NUDT5: variants seen among roughly 807,000 people sequenced by gnomAD.
The protein encoded by NUDT5 is ADP-sugar pyrophosphatase.
NUDT5 carries 21 observed loss-of-function variants against 34.1 expected under a neutral mutation model. The observed-to-expected ratio is 0.62, with a 90% confidence interval of 0.44 to 0.89. The LOEUF is 0.89. NUDT5 is among the 40% of genes least tolerant of loss of function. The pLI is 0.00. For missense variants in NUDT5, 249 were observed against 274.8 expected, an observed-to-expected ratio of 0.91 and a Z score of 0.66; for synonymous variants, 85 against 97.6, an observed-to-expected ratio of 0.87 and a Z score of 0.76.
rs760833402 is a variant in NUDT5, at chr10:12,182,483, CATAA to C, written c.131+2402_131+2405del. 9.9e-5 allele frequency among the ~76,000 whole-genome samples: 15 copies of C among 152,108 alleles called. No individual in the cohort carries two copies. Among genetic ancestry groups the C allele is most frequent in the Admixed American group, 2.6e-4 (4 of 15,262 alleles). On this transcript the variant is annotated intron_variant, in intron 3 of 9. Coordinates refer to ENST00000491614, the MANE Select transcript of NUDT5 (RefSeq NM_014142.4). This position sits in a 1 kb window ranked among gnomAD's most constrained non-coding sequence, Gnocchi z 4.3. ...TCTGGTATAAAATATTAGTGCTTTACATAAATCCTCTTCAGAGGCCAGGAAAAAA... is the reference window on the plus strand; with the variant it reads ...TCTGGTATAAAATATTAGTGCTTTACATCCTCTTCAGAGGCCAGGAAAAAA...
intron 5 of NUDT5, among the ~76,000 whole-genome samples, chr10:12,174,020 C>T (rs1260815895): frequency 6.6e-6 from 1 of 152,110 alleles, no homozygotes. Context: ...GCGCGTGCCA[C>T]CACGCCCAGC....
chr10:12,167,742 G>C lies in NUDT5; in HGVS notation c.620C>G (p.Ala207Gly), dbSNP rs753393749. Residue 207 changes from alanine to glycine, a missense_variant, in exon 10 of 10, where the codon GCA (alanine) becomes GGA (glycine). Coordinates refer to ENST00000491614, the MANE Select transcript of NUDT5 (RefSeq NM_014142.4). ...GGGCACTTCAAATGGCTTTGCATTT[G>C]CATGTTTCAGTGCTAGAGCGTAGGA... ...VYSYALALKH[A>G]NAKPFEVPFL... 6.2e-7 allele frequency: 1 copy of C among 1,614,130 alleles called. No homozygotes were observed.
chr10:12,178,985 C>T, intron 4 of NUDT5, 98 bp downstream of exon 4: 1 of 993,138 alleles, frequency 1.0e-6, no homozygotes, highest in Non-Finnish European at 1.6e-6. Context: ...AAAGACACAA[C>T]ATCCTAATAG....
At chr10:12,179,782 A>G (rs937155029) in intron 3 of NUDT5, among the ~76,000 whole-genome samples, 2 of 152,138 alleles carry the variant, frequency 1.3e-5, no homozygotes, top group African/African-American at 4.8e-5. Flanking sequence ...CTGTTACCCA[A>G]CTCAGCTTTT....
At chr10:12,172,963 G>A (rs1263268837) in intron 6 of NUDT5, 97 bp from the exon 7 acceptor site, 7 of 867,016 alleles carry the variant, frequency 8.1e-6, no homozygotes, top group South Asian at 1.5e-5. Context: ...CAGCATTGAC[G>A]TGGAGGTGAT....
In NUDT5 at chr10:12,170,170, G is replaced by T. The variant is rs369611107; in HGVS notation, c.550+547C>A. ...TTTACAAAGTCTCTAAAAGATGGGT[G>T]GCCAAGAATTATACAATGCATCTAC... On this transcript the variant is annotated intron_variant, in intron 9 of 9. Transcript: ENST00000491614. The surrounding 1 kb of genome is among the most constrained non-coding windows in gnomAD (Gnocchi z 4.9). 1.2e-6 allele frequency: 2 copies of T among 1,612,510 alleles called. No homozygotes were observed. Among genetic ancestry groups the T allele is most frequent in the Admixed American group, 1.7e-5 (1 of 59,996 alleles).
chr10:12,195,797 G>A lies in NUDT5; in HGVS notation c.-69C>T, dbSNP rs1006370416. 4 of 218,420 alleles carry A rather than the reference G, an allele frequency of 1.8e-5. No individual in the cohort carries two copies. The highest frequency in any genetic ancestry group is 4.7e-5 in the African/African-American group (2 of 42,626). 13.5% of individuals were successfully genotyped at this position (218,420 alleles called of 1,614,324 possible). On this transcript the variant is annotated 5_prime_UTR_variant, in exon 1 of 10. Transcript: ENST00000491614. ...CAAGGTGTAGGGGTGAAGAACGGAA[G>A]AGGACGAAATAACTAGCTGGAGGCA...
chr10:12,172,280 C>G (rs1466668336), intron 7 of NUDT5, among the ~76,000 whole-genome samples: 2 of 151,432 alleles, frequency 1.3e-5, no homozygotes. Flanking sequence ...TTACTTAGGC[C>G]ATTTTTTTTT....
Position 12,171,687 on chromosome 10 carries a change from T to TTTTATTTA in NUDT5, c.488-787_488-780dup, listed in dbSNP as rs200279977. Among the ~76,000 whole-genome samples, 588 of 140,034 alleles carry TTTTATTTA rather than the reference T, an allele frequency of 4.2e-3. 5 individuals are homozygous for TTTTATTTA. The highest frequency in any genetic ancestry group is 0.011 in the South Asian group (47 of 4,316). 91.9% of individuals were successfully genotyped at this position (140,034 alleles called of 152,430 possible). On this transcript the variant is annotated intron_variant, in intron 7 of 9. Transcript: ENST00000491614. This position sits in a 1 kb window ranked among gnomAD's most constrained non-coding sequence, Gnocchi z 4.2. Reference sequence around the variant, plus strand: ...TGTGCAGTTCAAAAATTAAGATTTATTTTATTTATTTATTTATTTATTTAT... The same window carrying TTTTATTTA: ...TGTGCAGTTCAAAAATTAAGATTTATTTTATTTATTTATTTATTTATTTATTTATTTAT...
chr10:12,184,388 C>A, intron 3 of NUDT5: 1 of 884,856 alleles, frequency 1.1e-6, no homozygotes. Context: ...ACTGGGATTA[C>A]TCGGTCAAAG....
At position 12,182,146 on chromosome 10, in the gene NUDT5, AAAG is replaced by A. The variant is rs1177125359; in HGVS notation, c.131+2740_131+2742del. Reference sequence around the variant, plus strand: ...TCTGTCTCAGGGTAAAAAAAAAAAAAAAGAAGGATATAGCTGAGCTGAAGGGGA... The same window carrying A: ...TCTGTCTCAGGGTAAAAAAAAAAAAAAAGGATATAGCTGAGCTGAAGGGGA... On this transcript the variant is annotated intron_variant, in intron 3 of 9. Coordinates refer to ENST00000491614, the MANE Select transcript of NUDT5 (RefSeq NM_014142.4). This position sits in a 1 kb window ranked among gnomAD's most constrained non-coding sequence, Gnocchi z 4.3. Among the ~76,000 whole-genome samples, 1 of 151,916 alleles carries A rather than the reference AAAG, an allele frequency of 6.6e-6. No individual in the cohort carries two copies. The highest frequency in any genetic ancestry group is 2.1e-4 in the South Asian group (1 of 4,820).
intron 5 of NUDT5, among the ~76,000 whole-genome samples, chr10:12,176,018 A>T (rs1400180852): frequency 2.0e-5 from 3 of 151,732 alleles, no homozygotes; most frequent in Non-Finnish European, 4.4e-5. Context: ...ACCAACATGG[A>T]GAAACCCCGT....
rs906621369 is a variant in NUDT5, at chr10:12,182,549, A to C, written c.131+2340T>G. ...GGAAGAATGGACATGACCATGCTAT[A>C]AATATGGTAGTTTGGTGGATTTTAG... On this transcript the variant is annotated intron_variant, in intron 3 of 9. Coordinates refer to ENST00000491614, the MANE Select transcript of NUDT5 (RefSeq NM_014142.4). The surrounding 1 kb of genome is among the most constrained non-coding windows in gnomAD (Gnocchi z 4.3). Among the ~76,000 whole-genome samples the C allele has an allele frequency of 3.3e-5, 5 of 152,260 alleles. No homozygotes were observed. In the South Asian group the frequency reaches 1.0e-3, roughly 32 times the overall value.
Position 12,170,867 on chromosome 10 carries a change from A to G in NUDT5, c.496+33T>C. The G allele has an allele frequency of 1.9e-6, 3 of 1,613,948 alleles. No individual in the cohort carries two copies. Among genetic ancestry groups the G allele is most frequent in the Non-Finnish European group, 2.5e-6 (3 of 1,179,846 alleles). On this transcript the variant is annotated intron_variant, in intron 8 of 9. Coordinates refer to ENST00000491614, the MANE Select transcript of NUDT5 (RefSeq NM_014142.4). The surrounding 1 kb of genome is among the most constrained non-coding windows in gnomAD (Gnocchi z 4.9). ...AGCCATCACCACTACACTAAGTCAT[A>G]CACGCTCGGCCACCAGGAGTTGCAG...
At chr10:12,177,944 C>A (rs1395158679) in intron 4 of NUDT5, 44 bp from the exon 5 acceptor site, 10 of 1,390,514 alleles carry the variant, frequency 7.2e-6, no homozygotes, top group Non-Finnish European at 9.2e-6. Flanking sequence ...AATGAGAGGT[C>A]AGCAATGCCA....
chr10:12,180,778 CA>C (rs1835029926), intron 3 of NUDT5, among the ~76,000 whole-genome samples: 2 of 152,178 alleles, frequency 1.3e-5, no homozygotes, highest in South Asian at 4.1e-4. Context: ...ATGTTTTCTC[CA>C]AAACCTCTTC....
rs765640395 is a variant in NUDT5, at chr10:12,170,696, G to A, written c.550+21C>T. 4 of 1,611,718 alleles carry A rather than the reference G, an allele frequency of 2.5e-6. No homozygotes were observed. The East Asian group carries it at 8.9e-5, about 36-fold the overall frequency. ...ACGGGGAGAACTGGAGAAACTGGGT[G>A]GCGGTCTGGAGAATGCTTACCATCA... On this transcript the variant is annotated intron_variant, in intron 9 of 9. Coordinates refer to ENST00000491614, the MANE Select transcript of NUDT5 (RefSeq NM_014142.4). This position sits in a 1 kb window ranked among gnomAD's most constrained non-coding sequence, Gnocchi z 4.9.
chr10:12,188,177 T>A (rs1277059808), intron 1 of NUDT5, among the ~76,000 whole-genome samples: 1 of 152,092 alleles, frequency 6.6e-6, no homozygotes, highest in Non-Finnish European at 1.5e-5. Context: ...CCACCCAGCA[T>A]CAACTCTCTT....
At chr10:12,186,134 G>C (rs994426857) in intron 2 of NUDT5, 95 bp downstream of exon 2, 1 of 1,015,896 alleles carries the variant, frequency 9.8e-7, no homozygotes, top group South Asian at 1.4e-5. Context: ...CTGTCTTCAA[G>C]AATGAAAGAC....
Sources: gnomAD v4.1 joint callset for allele counts (sites outside exome capture counted in the v4.1 genomes callset) on GRCh38, gnomAD v4.1.1 for gene constraint, Gnocchi (gnomAD v3.1) non-coding constraint, MANE v1.5 for transcripts, NCBI Gene and HGNC (gene_info 2026-07-23, HGNC 2026-07-21) for gene names.